Variants in CDC73 observed in about 807,000 individuals in gnomAD.
CDC73 encodes the protein cell division cycle 73, also known as parafibromin.
In CDC73, 21 loss-of-function variants were observed where a neutral mutation model predicts 83.7. That is an observed-to-expected ratio of 0.25 (90% CI 0.18 to 0.36). CDC73 has a LOEUF of 0.36. Among genes scored for constraint, CDC73 ranks in the 10% least tolerant of loss-of-function variants. The pLI, the probability that CDC73 is intolerant of heterozygous loss-of-function variation, is 1.00. For synonymous variants in CDC73, 224 were observed against 212.9 expected (o/e 1.05, Z -0.45); for missense variants, 342 against 653.3 (o/e 0.52, Z 5.19).
At chr1:193,149,270 G>T (rs970617521) in intron 8 of CDC73, among the ~76,000 whole-genome samples, 1 of 152,068 alleles carries the variant, frequency 6.6e-6, no homozygotes, top group African/African-American at 2.4e-5. Context: ...TGGACCAGGG[G>T]GAGGTTTTTG....
intron 10 of CDC73, among the ~76,000 whole-genome samples, chr1:193,163,174 TGTGG>T (rs1418609928): frequency 1.3e-5 from 2 of 150,816 alleles, no homozygotes; most frequent in African/African-American, 4.9e-5. Flanking sequence ...TGTGTGTGTG[TGTGG>T]GTGTGTGTGT....
intron 13 of CDC73, among the ~76,000 whole-genome samples, chr1:193,220,212 G>C (rs906454977): frequency 6.9e-6 from 1 of 144,388 alleles, no homozygotes; most frequent in Non-Finnish European, 1.5e-5. Flanking sequence ...TGTCACCCAG[G>C]CTGGAGTGCA....
At chr1:193,179,835 A>G (rs1301572698) in intron 10 of CDC73, 1 of 152,650 alleles carries the variant, frequency 6.6e-6, no homozygotes, top group East Asian at 1.9e-4. Flanking sequence ...AAATAGGTCA[A>G]AAAATTTATC....
At chr1:193,144,191 G>C (rs572357847) in intron 7 of CDC73, among the ~76,000 whole-genome samples, 24 of 148,148 alleles carry the variant, frequency 1.6e-4, no homozygotes, top group African/African-American at 5.4e-4. Flanking sequence ...AAAGCAACTT[G>C]ATTTTATAAT....
At chr1:193,214,216 A>C (rs1034836567) in intron 13 of CDC73, among the ~76,000 whole-genome samples, 1 of 152,090 alleles carries the variant, frequency 6.6e-6, no homozygotes, top group Non-Finnish European at 1.5e-5. Context: ...GTAGCCGATG[A>C]CTATTTTCTT....
intron 9 of CDC73, among the ~76,000 whole-genome samples, chr1:193,151,572 C>T (rs1445934481): frequency 6.6e-6 from 1 of 152,148 alleles, no homozygotes; most frequent in Non-Finnish European, 1.5e-5. Flanking sequence ...TACAGAAAGG[C>T]ATATTGGGAT....
chr1:193,236,378 C>T (rs940147021), intron 15 of CDC73, 22 bp downstream of exon 15: 1 of 1,363,636 alleles, frequency 7.3e-7, no homozygotes, highest in African/African-American at 1.4e-5. Context: ...TTTGTATTTA[C>T]TGTATCCAGT....
chr1:193,249,328 A>G (rs1418087590), intron 15 of CDC73, among the ~76,000 whole-genome samples: 1 of 152,076 alleles, frequency 6.6e-6, no homozygotes. Flanking sequence ...CACGTAATAT[A>G]GACTGTGATA....
chr1:193,249,232 G>A (rs140365712), intron 15 of CDC73, among the ~76,000 whole-genome samples: 1,868 of 152,090 alleles, frequency 0.012, 19 homozygotes, highest in South Asian at 0.033. Context: ...CTTGCTAAAG[G>A]CTCAGATGAT....
intron 15 of CDC73, among the ~76,000 whole-genome samples, chr1:193,244,521 C>G (rs1284245372): frequency 1.3e-5 from 2 of 152,144 alleles, no homozygotes; most frequent in African/African-American, 4.8e-5. Flanking sequence ...GTTTGAGGCC[C>G]TGGCCTACAT....
rs76148009 is a variant in CDC73, at chr1:193,253,255, C to A, written c.*2543C>A. The A allele has an allele frequency of 9.0e-5, 21 of 232,454 alleles. No homozygotes were observed. The highest frequency in any genetic ancestry group is 1.6e-4 in the Non-Finnish European group (19 of 117,558). 14.4% of individuals were successfully genotyped at this position (232,454 alleles called of 1,614,324 possible). ...CATTTTCATGTAATTTGAGACAAGA[C>A]CTGGTCATCAGTATTTTTTTTAAAG... On this transcript the variant is annotated 3_prime_UTR_variant, in exon 17 of 17. Coordinates refer to ENST00000367435, the MANE Select transcript of CDC73 (RefSeq NM_024529.5).
At chr1:193,207,454 T>A (rs2078083) in intron 11 of CDC73, among the ~76,000 whole-genome samples, 110,069 of 151,870 alleles carry the variant, frequency 0.72, 40,144 homozygotes, top group South Asian at 0.82. Context: ...ACTGCAGGAG[T>A]CCAGGGCGTA....
At chr1:193,217,275 G>A (rs1677384292) in intron 13 of CDC73, among the ~76,000 whole-genome samples, 1 of 152,040 alleles carries the variant, frequency 6.6e-6, no homozygotes, top group Non-Finnish European at 1.5e-5. Context: ...TGCTCTTTTG[G>A]TTTACCCTAT....
At chr1:193,181,083 C>T in intron 10 of CDC73, 6 of 1,614,030 alleles carry the variant, frequency 3.7e-6, no homozygotes, top group Non-Finnish European at 5.1e-6. Flanking sequence ...TTTGTCCAGG[C>T]TCTGCAGCTA....
intron 6 of CDC73, among the ~76,000 whole-genome samples, chr1:193,139,137 A>G (rs529668499): frequency 6.6e-6 from 1 of 151,796 alleles, no homozygotes; most frequent in African/African-American, 2.4e-5. Context: ...AATTAACTTT[A>G]TATCTGTTAA....
intron 10 of CDC73, among the ~76,000 whole-genome samples, chr1:193,196,285 A>C (rs1270415198): frequency 6.6e-6 from 1 of 152,180 alleles, no homozygotes; most frequent in African/African-American, 2.4e-5. Flanking sequence ...CCCTTGTCAA[A>C]AATTAGTTGA....
In CDC73 at chr1:193,135,050, ATG is replaced by A. The variant is rs1379067480; in HGVS notation, c.308-331_308-330del. Among the ~76,000 whole-genome samples, 4 of 130,748 alleles carry A rather than the reference ATG, an allele frequency of 3.1e-5. No individual in the cohort carries two copies. In the East Asian group the frequency reaches 9.2e-4, roughly 30 times the overall value. 85.8% of individuals were successfully genotyped at this position (130,748 alleles called of 152,430 possible). On this transcript the variant is annotated intron_variant, in intron 3 of 16. Transcript: ENST00000367435. ...ATCTTGTCCATATATATGTGTGTGT[ATG>A]TGTGTGTGTATATATATATTTATGT...
At chr1:193,158,952 A>G (rs537373651) in intron 10 of CDC73, among the ~76,000 whole-genome samples, 1 of 90,304 alleles carries the variant, frequency 1.1e-5, no homozygotes, top group East Asian at 2.5e-4. Context: ...TATCTGTTGT[A>G]TACAGTTTTT....
At chr1:193,151,413 GC>G (rs1194078468) in intron 9 of CDC73, among the ~76,000 whole-genome samples, 1 of 152,096 alleles carries the variant, frequency 6.6e-6, no homozygotes, top group Non-Finnish European at 1.5e-5. Context: ...ATAAATTACA[GC>G]CCCCAAACTA....
Sources: gnomAD v4.1 joint callset for allele counts (sites outside exome capture counted in the v4.1 genomes callset) on GRCh38, gnomAD v4.1.1 for gene constraint, MANE v1.5 for transcripts, NCBI Gene and HGNC (gene_info 2026-07-23, HGNC 2026-07-21) for gene names.